Variants in TRIP13 observed in about 807,000 individuals in gnomAD.
TRIP13 encodes pachytene checkpoint protein 2 homolog.
TRIP13 carries 25 observed loss-of-function variants against 54.4 expected under a neutral mutation model. That is an observed-to-expected ratio of 0.46 (90% CI 0.33 to 0.64). The LOEUF (loss-of-function observed/expected upper bound fraction) is 0.64, where lower values mean the gene tolerates loss of function less well. TRIP13 is among the 30% of genes least tolerant of loss of function. The pLI is 0.02. For missense variants in TRIP13, 373 were observed against 534.2 expected (o/e 0.70, Z 2.97); for synonymous variants, 207 against 207.8 (o/e 1.00, Z 0.03).
chr5:909,501 G>A (rs1053637006), intron 9 of TRIP13, among the ~76,000 whole-genome samples: 1 of 152,166 alleles, frequency 6.6e-6, no homozygotes, highest in Non-Finnish European at 1.5e-5. Flanking sequence ...GGCTTCCTGA[G>A]AAGCGCTCGT....
In TRIP13 at chr5:913,454, C is replaced by A. The variant is rs1754282011; in HGVS notation, c.1021-1011C>A. Among the ~76,000 whole-genome samples, 1 of 152,182 alleles carries A rather than the reference C, an allele frequency of 6.6e-6. No homozygotes were observed. Among genetic ancestry groups the A allele is most frequent in the Admixed American group, 6.5e-5 (1 of 15,284 alleles). On this transcript the variant is annotated intron_variant, in intron 10 of 12. Coordinates refer to ENST00000166345, the MANE Select transcript of TRIP13 (RefSeq NM_004237.4). The surrounding 1 kb of genome is among the most constrained non-coding windows in gnomAD (Gnocchi z 4.5). ...CACTGCAACCTCCGCCTCCTGGGTT[C>A]AAGCGATTCTCGTGCCTCAGCTTCG...
At chr5:900,098 C>G (rs1033655755) in intron 3 of TRIP13, among the ~76,000 whole-genome samples, 7 of 152,084 alleles carry the variant, frequency 4.6e-5, no homozygotes, top group Non-Finnish European at 1.5e-5. Flanking sequence ...TGTTCACCAC[C>G]AAAAAATGAT....
Position 911,810 on chromosome 5 carries a change from A to T in TRIP13, c.867-33A>T. On this transcript the variant is annotated intron_variant, in intron 9 of 12. Transcript: ENST00000166345. The surrounding 1 kb of genome is among the most constrained non-coding windows in gnomAD (Gnocchi z 4.7). ...TAGAATTGGGTCACCGACAGCCGTG[A>T]TGACTGTGGTGCTTGCTTCTCGGCC... The T allele has an allele frequency of 6.3e-7, 1 of 1,591,020 alleles. No homozygotes were observed. Among genetic ancestry groups the T allele is most frequent in the Non-Finnish European group, 8.6e-7 (1 of 1,167,678 alleles).
At position 917,016 on chromosome 5, in the gene TRIP13, C is replaced by T. The variant is rs1400200853; in HGVS notation, c.1212C>T (p.Thr404=). 7 of 1,613,638 alleles carry T rather than the reference C, an allele frequency of 4.3e-6. No individual in the cohort carries two copies. The highest frequency in any genetic ancestry group is 4.2e-6 in the Non-Finnish European group (5 of 1,179,870). Residue 404 remains threonine, a synonymous_variant, in exon 13 of 13, where the codon ACC becomes ACT. Transcript: ENST00000166345. ...GACCGTGTACCTTCTAGGCCCCCAC[C>T]GTCACCATAGAGGGGTTCCTCCAGG... is the stretch of plus-strand genomic sequence containing the variant. ...LAHALYVQAP[T]VTIEGFLQAL... is the part of the protein sequence containing the mutation.
Position 894,767 on chromosome 5 carries a change from G to A in TRIP13, c.93-20G>A, listed in dbSNP as rs1194519210. 6.3e-7 allele frequency: 1 copy of A among 1,586,128 alleles called. No homozygotes were observed. The highest frequency in any genetic ancestry group is 2.3e-5 in the East Asian group (1 of 44,416). On this transcript the variant is annotated intron_variant, in intron 1 of 12. Transcript: ENST00000166345. The stretch of plus-strand genomic sequence containing the variant: ...TTTTGAACTAAGATCATTTATGTGT[G>A]TTTTGGCTTCTTTTTTTAGCACTGC...
chr5:914,668 G>GCCCT, intron 11 of TRIP13, 91 bp downstream of exon 11: 3 of 1,035,840 alleles, frequency 2.9e-6, no homozygotes, highest in Non-Finnish European at 3.0e-6. Context: ...ACCAGGGAGG[G>GCCCT]CCCTGGGTGT....
intron 9 of TRIP13, among the ~76,000 whole-genome samples, chr5:909,576 C>T (rs762804241): frequency 2.6e-5 from 4 of 152,002 alleles, no homozygotes; most frequent in East Asian, 1.9e-4. Context: ...AACCCAGCGG[C>T]GCTAGAGGAA....
At position 917,448 on chromosome 5, in the gene TRIP13, A is replaced by T. The variant is rs993189845; in HGVS notation, c.*345A>T. On this transcript the variant is annotated 3_prime_UTR_variant, in exon 13 of 13. Coordinates refer to ENST00000166345, the MANE Select transcript of TRIP13 (RefSeq NM_004237.4). ...AGCAAGTTTTGTTTAACAGCAAAAA[A>T]GGAAGATTAATGCAGGTGTTATAGA... 3.8e-5 allele frequency: 8 copies of T among 209,932 alleles called. No individual in the cohort carries two copies. The highest frequency in any genetic ancestry group is 1.9e-4 in the African/African-American group (8 of 42,934). The allele number at this position is 209,932 out of a possible 1,614,324, so 13.0% of individuals were successfully genotyped here.
intron 9 of TRIP13, among the ~76,000 whole-genome samples, chr5:909,133 C>T (rs929613462): frequency 1.1e-4 from 17 of 152,380 alleles, no homozygotes; most frequent in Middle Eastern, 3.4e-3. Flanking sequence ...CCCTGCTCGC[C>T]CTGCTGGCCC....
Position 913,169 on chromosome 5 carries a change from G to A in TRIP13, c.1020+1173G>A, listed in dbSNP as rs994036454. Among the ~76,000 whole-genome samples the A allele has an allele frequency of 6.6e-6, 1 of 152,200 alleles. No homozygotes were observed. The highest frequency in any genetic ancestry group is 1.5e-5 in the Non-Finnish European group (1 of 68,030). Reference sequence around the variant, plus strand: ...CAGTTTTGCTGCCAAGGAGCCCCACGTGATAGCAGATCCTGCGAGGAAGTC... The same window carrying A: ...CAGTTTTGCTGCCAAGGAGCCCCACATGATAGCAGATCCTGCGAGGAAGTC... On this transcript the variant is annotated intron_variant, in intron 10 of 12. Coordinates refer to ENST00000166345, the MANE Select transcript of TRIP13 (RefSeq NM_004237.4). The surrounding 1 kb of genome is among the most constrained non-coding windows in gnomAD (Gnocchi z 4.5).
At position 896,671 on chromosome 5, in the gene TRIP13, G is replaced by T; in HGVS notation, c.265G>T (p.Asp89Tyr). 2 of 1,608,052 alleles carry T rather than the reference G, an allele frequency of 1.2e-6. No individual in the cohort carries two copies. The highest frequency in any genetic ancestry group is 1.1e-5 in the South Asian group (1 of 90,216). ...GGCTTTTCCCTCATTTTAGCCCATC[G>T]ATTTGAGTGCATGCACTGTTGCACT... The part of the protein sequence containing the change: ...ELKVKDSQPI[D>Y]LSACTVALHI... The change falls in exon 3 of 13, where the codon GAT becomes TAT. Residue 89 changes from aspartate to tyrosine, a missense_variant. Physicochemically the swap from Asp to Tyr is radical, Grantham distance 160 (BLOSUM62 -3). Around this residue, in one of 4 missense-constraint regions of TRIP13, gnomAD observed 151 missense variants for 151.9 expected, o/e 0.99. Coordinates refer to ENST00000166345, the MANE Select transcript of TRIP13 (RefSeq NM_004237.4).
chr5:893,844 A>T (rs1753789134), intron 1 of TRIP13: 1 of 153,298 alleles, frequency 6.5e-6, no homozygotes, highest in African/African-American at 2.4e-5. Flanking sequence ...ACCAGGGCCC[A>T]GAGACACCTG....
intron 12 of TRIP13, among the ~76,000 whole-genome samples, chr5:916,302 C>T (rs940548903): frequency 2.0e-5 from 3 of 152,204 alleles, no homozygotes; most frequent in Admixed American, 6.5e-5. Flanking sequence ...GGGTTCAGCT[C>T]ACATAGAACA....
Position 896,690 on chromosome 5 carries a change from T to C in TRIP13, c.284T>C (p.Val95Ala). 6.2e-7 allele frequency: 1 copy of C among 1,613,836 alleles called. No homozygotes were observed. Among genetic ancestry groups the C allele is most frequent in the Non-Finnish European group, 8.5e-7 (1 of 1,179,786 alleles). ...SQPIDLSACT[V>A]ALHIFQLNED... is the part of the protein sequence containing the mutation. Reference sequence around the variant, plus strand: ...CCCATCGATTTGAGTGCATGCACTGTTGCACTTCACATTTTCCAGCTGAAT... The same window carrying C: ...CCCATCGATTTGAGTGCATGCACTGCTGCACTTCACATTTTCCAGCTGAAT... The change falls in exon 3 of 13, where the codon GTT (valine) becomes GCT (alanine). Residue 95 changes from valine (V) to alanine (A), a missense_variant. Around this residue, in one of 4 missense-constraint regions of TRIP13, gnomAD observed 151 missense variants for 151.9 expected, o/e 0.99. Coordinates refer to ENST00000166345, the MANE Select transcript of TRIP13 (RefSeq NM_004237.4).
chr5:910,094 TCTC>T (rs1428553968), intron 9 of TRIP13, among the ~76,000 whole-genome samples: 7 of 152,304 alleles, frequency 4.6e-5, no homozygotes, highest in Admixed American at 1.3e-4. Flanking sequence ...CTGGCTTCCT[TCTC>T]CTCTTGTCCA....
intron 5 of TRIP13, among the ~76,000 whole-genome samples, chr5:903,853 C>G (rs540300347): frequency 6.6e-6 from 1 of 152,094 alleles, no homozygotes; most frequent in Non-Finnish European, 1.5e-5. Flanking sequence ...TGTTCATTCC[C>G]GACGCTAAGT....
At chr5:893,149 T>A in intron 1 of TRIP13, 59 bp downstream of exon 1, 1 of 1,308,742 alleles carries the variant, frequency 7.6e-7, no homozygotes, top group Non-Finnish European at 1.0e-6. Context: ...CCCCAGCGCG[T>A]GCACCGAGCC....
At chr5:900,419 T>C in intron 3 of TRIP13, 75 bp from the exon 4 acceptor site, 1 of 1,476,344 alleles carries the variant, frequency 6.8e-7, no homozygotes, top group Admixed American at 1.7e-5. Context: ...AGGCTTAGGC[T>C]CAGGGGAGAC....
intron 5 of TRIP13, among the ~76,000 whole-genome samples, chr5:903,309 C>T (rs113122817): frequency 0.034 from 5,205 of 152,206 alleles, 130 homozygotes; most frequent in Non-Finnish European, 0.049. Context: ...ACAGAAGGCT[C>T]GCACTCTTGT....
Sources: gnomAD v4.1 joint callset for allele counts (sites outside exome capture counted in the v4.1 genomes callset) on GRCh38, gnomAD v4.1.1 for gene constraint, gnomAD v4.1.1 regional missense constraint, Gnocchi (gnomAD v3.1) non-coding constraint, MANE v1.5 for transcripts, NCBI Gene and HGNC (gene_info 2026-07-23, HGNC 2026-07-21) for gene names.